Variants in IPO11 observed in about 807,000 individuals in gnomAD.
IPO11 encodes importin-11.
A neutral mutation model predicts 143.2 loss-of-function variants in IPO11; 66 were observed. The observed-to-expected ratio is 0.46, with a 90% CI of 0.38 to 0.57. The LOEUF is 0.57. Ranked by LOEUF, IPO11 falls within the 20% of genes least tolerant of loss-of-function variation. The pLI is 0.00. For synonymous variants in IPO11, 385 were observed against 377.8 expected (o/e 1.02, Z -0.22); for missense variants, 1,026 against 1,141.0 (o/e 0.90, Z 1.45).
intron 26 of IPO11, among the ~76,000 whole-genome samples, chr5:62,552,398 G>A (rs1197997164): frequency 6.7e-6 from 1 of 149,656 alleles, no homozygotes; most frequent in African/African-American, 2.5e-5. Flanking sequence ...CCCAACCCTT[G>A]TTTTGATAAA....
chr5:62,445,923 A>G (rs1417111237), intron 3 of IPO11, among the ~76,000 whole-genome samples: 1 of 152,150 alleles, frequency 6.6e-6, no homozygotes, highest in Admixed American at 6.5e-5. Flanking sequence ...AGTTATGCAA[A>G]CTGCTAAACC....
chr5:62,502,936 C>A (rs1405173507), intron 16 of IPO11, among the ~76,000 whole-genome samples: 2 of 152,126 alleles, frequency 1.3e-5, no homozygotes, highest in Non-Finnish European at 2.9e-5. Flanking sequence ...GATCCTGGTG[C>A]CCCAGTCTCC....
intron 5 of IPO11, among the ~76,000 whole-genome samples, chr5:62,465,162 A>G (rs1363028568): frequency 6.6e-6 from 1 of 152,216 alleles, no homozygotes; most frequent in African/African-American, 2.4e-5. Context: ...GTTTTGTAGA[A>G]TTCTTACCTC....
intron 26 of IPO11, among the ~76,000 whole-genome samples, chr5:62,552,907 C>T (rs1743437242): frequency 6.6e-6 from 1 of 152,130 alleles, no homozygotes; most frequent in African/African-American, 2.4e-5. Context: ...GTGATCAAAT[C>T]AGGGTAATTG....
intron 21 of IPO11, among the ~76,000 whole-genome samples, chr5:62,527,332 C>G (rs919875508): frequency 1.3e-5 from 2 of 152,174 alleles, no homozygotes; most frequent in African/African-American, 2.4e-5. Context: ...GTCACACAGT[C>G]TTTGTTGCAA....
At chr5:62,517,142 A>G (rs1243412934) in intron 20 of IPO11, among the ~76,000 whole-genome samples, 2 of 151,964 alleles carry the variant, frequency 1.3e-5, no homozygotes, top group African/African-American at 2.4e-5. Context: ...AACTTGCAGT[A>G]AGCCGAGATC....
At chr5:62,418,068 G>A (rs993912143) in intron 1 of IPO11, among the ~76,000 whole-genome samples, 4 of 152,038 alleles carry the variant, frequency 2.6e-5, no homozygotes, top group African/African-American at 4.8e-5. Context: ...TCGTCTCACC[G>A]CAACCTCTGC....
intron 27 of IPO11, chr5:62,581,137 C>T: frequency 6.4e-7 from 1 of 1,550,614 alleles, no homozygotes; most frequent in Non-Finnish European, 8.7e-7. Context: ...GGAAAATAGA[C>T]TTGAATACTA....
intron 20 of IPO11, among the ~76,000 whole-genome samples, chr5:62,520,471 C>G (rs766842424): frequency 2.0e-5 from 3 of 151,936 alleles, no homozygotes; most frequent in Non-Finnish European, 4.4e-5. Flanking sequence ...TGTGCTGCAC[C>G]CATTAACTCG....
At chr5:62,475,141 A>C (rs920620909) in intron 8 of IPO11, among the ~76,000 whole-genome samples, 11 of 152,186 alleles carry the variant, frequency 7.2e-5, no homozygotes, top group African/African-American at 2.6e-4. Flanking sequence ...TCCTGGGCTA[A>C]AGCGATCCGC....
intron 15 of IPO11, among the ~76,000 whole-genome samples, chr5:62,492,615 C>T (rs1263165271): frequency 1.3e-5 from 2 of 152,082 alleles, no homozygotes; most frequent in Non-Finnish European, 2.9e-5. Flanking sequence ...ATGATGTTGG[C>T]CCACTGCAAT....
chr5:62,557,332 C>T (rs575974147), intron 26 of IPO11, among the ~76,000 whole-genome samples: 7 of 152,026 alleles, frequency 4.6e-5, no homozygotes, highest in Non-Finnish European at 1.0e-4. Context: ...TATAGGTGCA[C>T]GCCACCAAGC....
At chr5:62,603,616 A>G (rs1323728874) in intron 29 of IPO11, among the ~76,000 whole-genome samples, 1 of 152,244 alleles carries the variant, frequency 6.6e-6, no homozygotes, top group Non-Finnish European at 1.5e-5. Flanking sequence ...ACTTACACTC[A>G]GATGGGAACA....
chr5:62,447,257 C>T (rs917126061), intron 3 of IPO11, among the ~76,000 whole-genome samples: 2 of 151,956 alleles, frequency 1.3e-5, no homozygotes, highest in African/African-American at 4.8e-5. Flanking sequence ...ATGTGTGTGC[C>T]GCCAGTGGCT....
chr5:62,603,439 T>C (rs1745581485), intron 29 of IPO11, among the ~76,000 whole-genome samples: 1 of 107,654 alleles, frequency 9.3e-6, no homozygotes, highest in South Asian at 3.5e-4. Context: ...AGCATTTATA[T>C]GCATTTGTAT....
chr5:62,576,879 A>G (rs1215673248), intron 27 of IPO11, among the ~76,000 whole-genome samples: 1 of 152,208 alleles, frequency 6.6e-6, no homozygotes, highest in African/African-American at 2.4e-5. Context: ...GTATGGGGAG[A>G]ATCTGAATGG....
intron 14 of IPO11, among the ~76,000 whole-genome samples, chr5:62,489,743 C>T (rs1361203244): frequency 1.3e-5 from 2 of 152,080 alleles, no homozygotes; most frequent in African/African-American, 4.8e-5. Context: ...TGAATTGTGA[C>T]TATTTTGGTT....
intron 29 of IPO11, among the ~76,000 whole-genome samples, chr5:62,626,297 G>A (rs1269614483): frequency 6.6e-6 from 1 of 152,094 alleles, no homozygotes; most frequent in Non-Finnish European, 1.5e-5. Flanking sequence ...TAAAGTGCTG[G>A]GATTACAGGC....
intron 27 of IPO11, among the ~76,000 whole-genome samples, chr5:62,590,646 G>A (rs1744973741): frequency 6.6e-6 from 1 of 152,072 alleles, no homozygotes; most frequent in Non-Finnish European, 1.5e-5. Context: ...TAACTATTTT[G>A]AAAAGTTAAT....
Sources: gnomAD v4.1 joint callset for allele counts (sites outside exome capture counted in the v4.1 genomes callset) on GRCh38, gnomAD v4.1.1 for gene constraint, MANE v1.5 for transcripts, NCBI Gene and HGNC (gene_info 2026-07-23, HGNC 2026-07-21) for gene names.